Variants in ZNF469 observed in about 807,000 individuals in gnomAD.
ZNF469 encodes the protein zinc finger protein 469.
In ZNF469, 1 loss-of-function variant was observed where a neutral mutation model predicts 1.0. The observed-to-expected ratio is 1.00, with a 90% CI of 0.35 to 4.73. The LOEUF is 4.73. Among genes scored for constraint, ZNF469 ranks in the 30% most tolerant of loss-of-function variants. The probability of loss-of-function intolerance (pLI) is 0.16; values close to 1 mark genes in which losing one functional copy is unlikely to be tolerated. For missense variants in ZNF469, 6,100 were observed against 5,356.3 expected, an observed-to-expected ratio of 1.14 and a Z score of -4.33; for synonymous variants, 2,703 against 2,363.4, an observed-to-expected ratio of 1.14 and a Z score of -4.17.
At chr16:88,255,672 C>G in the ZNF469 span, among the ~76,000 whole-genome samples, 1 of 152,212 alleles carries the variant, frequency 6.6e-6, no homozygotes, top group Non-Finnish European at 1.5e-5. Context: ...TGAAAAGTGC[C>G]TCAACAGTCC....
At chr16:88,382,423 T>A (rs1026139595), upstream of ZNF469, among the ~76,000 whole-genome samples, 1 of 152,310 alleles carries the variant, frequency 6.6e-6, no homozygotes, top group East Asian at 1.9e-4. Flanking sequence ...TCTGGGGCAG[T>A]CCCAGGGCTG....
the ZNF469 span, among the ~76,000 whole-genome samples, chr16:88,340,930 TG>T: frequency 2.0e-5 from 3 of 151,878 alleles, no homozygotes; most frequent in East Asian, 1.9e-4. Context: ...CAGAGAGCCC[TG>T]GGGGTTGGGG....
the ZNF469 span, among the ~76,000 whole-genome samples, chr16:88,248,045 GC>G: frequency 2.0e-5 from 3 of 152,160 alleles, no homozygotes; most frequent in Non-Finnish European, 4.4e-5. Context: ...CCCACACAGG[GC>G]TGCTCCAGTG....
chr16:88,192,892 GTGATGGTGGTGA>G, the ZNF469 span, among the ~76,000 whole-genome samples: 1 of 144,786 alleles, frequency 6.9e-6, no homozygotes, highest in African/African-American at 2.7e-5. Flanking sequence ...GATGGTGGTG[GTGATGGTGGTGA>G]TGATGGAGGT....
the ZNF469 span, among the ~76,000 whole-genome samples, chr16:88,326,155 C>G: frequency 1.2e-4 from 19 of 152,340 alleles, no homozygotes; most frequent in East Asian, 3.7e-3. Flanking sequence ...ATCTTGAATT[C>G]CCACATGTTG....
the ZNF469 span, among the ~76,000 whole-genome samples, chr16:88,285,206 C>A: frequency 1.3e-5 from 2 of 152,378 alleles, no homozygotes; most frequent in African/African-American, 4.8e-5. Context: ...GGAGAACTGC[C>A]CCCAGAGCTG....
the ZNF469 span, among the ~76,000 whole-genome samples, chr16:88,146,264 CG>C: frequency 1.1e-4 from 17 of 152,242 alleles, no homozygotes; most frequent in South Asian, 2.7e-3. Context: ...CTGGCCGTGG[CG>C]GGGGGGCAGG....
At chr16:88,178,328 A>C in the ZNF469 span, 1 of 151,982 alleles carries the variant, frequency 6.6e-6, no homozygotes, top group Admixed American at 6.6e-5. Flanking sequence ...CCGGGAGGAG[A>C]GGAAGGAGGG....
chr16:88,416,728 C>A (rs550986595), intron 1 of ZNF469, among the ~76,000 whole-genome samples: 1 of 152,228 alleles, frequency 6.6e-6, no homozygotes, highest in African/African-American at 2.4e-5. Flanking sequence ...GGGATGGTAA[C>A]AACCTTGCCC....
chr16:88,214,323 G>C, the ZNF469 span, among the ~76,000 whole-genome samples: 1 of 152,152 alleles, frequency 6.6e-6, no homozygotes, highest in Non-Finnish European at 1.5e-5. Flanking sequence ...TGTTCTCCAT[G>C]TGAGGGCTGG....
the ZNF469 span, among the ~76,000 whole-genome samples, chr16:88,344,333 G>A: frequency 1.3e-5 from 2 of 152,178 alleles, no homozygotes; most frequent in East Asian, 3.8e-4. Flanking sequence ...AGTTCTTGCT[G>A]GTGTCCACAG....
the ZNF469 span, among the ~76,000 whole-genome samples, chr16:88,287,772 C>A: frequency 2.6e-5 from 4 of 152,168 alleles, no homozygotes; most frequent in Admixed American, 1.3e-4. Flanking sequence ...TATGCATTCA[C>A]GCTCCAGGCT....
At chr16:88,380,223 TCA>T (rs1244074207), upstream of ZNF469, among the ~76,000 whole-genome samples, 1 of 64,880 alleles carries the variant, frequency 1.5e-5, no homozygotes, top group Non-Finnish European at 3.2e-5. Context: ...ACAAATGCAC[TCA>T]CAGACATGCA....
chr16:88,104,624 C>T, the ZNF469 span, among the ~76,000 whole-genome samples: 72,437 of 152,186 alleles, frequency 0.48, 18,008 homozygotes, highest in Middle Eastern at 0.62. Flanking sequence ...CGTCACATTC[C>T]GGGGGCCTGT....
chr16:88,347,836 G>A, the ZNF469 span, among the ~76,000 whole-genome samples: 1 of 152,222 alleles, frequency 6.6e-6, no homozygotes, highest in Non-Finnish European at 1.5e-5. Flanking sequence ...ATGTGTTTGG[G>A]CCTCCCAGGA....
At chr16:88,352,697 G>C in the ZNF469 span, among the ~76,000 whole-genome samples, 1 of 152,252 alleles carries the variant, frequency 6.6e-6, no homozygotes, top group Admixed American at 6.5e-5. Flanking sequence ...AGCAGCCGTG[G>C]GGACGTGGCG....
the ZNF469 span, among the ~76,000 whole-genome samples, chr16:88,250,248 C>G: frequency 6.6e-6 from 1 of 152,258 alleles, no homozygotes; most frequent in South Asian, 2.1e-4. Flanking sequence ...GCCATTTTCA[C>G]CTCTATCACC....
At chr16:88,413,734 C>T (rs544543464) in intron 1 of ZNF469, among the ~76,000 whole-genome samples, 4 of 152,334 alleles carry the variant, frequency 2.6e-5, no homozygotes, top group East Asian at 1.9e-4. Context: ...AGCTGTGGTC[C>T]GGAGGGTGCA....
In ZNF469 at chr16:88,429,843, C is replaced by T. The variant is rs759606452; in HGVS notation, c.2373C>T (p.Leu791=). The change falls in exon 3 of 3, where the codon CTC becomes CTT. Residue 791 remains leucine, a synonymous_variant. Coordinates refer to ENST00000565624, the MANE Select transcript of ZNF469 (RefSeq NM_001367624.2). The stretch of plus-strand genomic sequence containing the variant: ...CTGCCGACGCACACGCGGGCTTGCT[C>T]AGCCACGCGAAGACCTTCCTGTTAG... ...RVPADAHAGL[L]SHAKTFLLAG... The T allele has an allele frequency of 2.6e-6, 4 of 1,548,990 alleles. No individual in the cohort carries two copies. The South Asian group carries it at 3.6e-5, about 14-fold the overall frequency.
Sources: gnomAD v4.1 joint callset for allele counts (sites outside exome capture counted in the v4.1 genomes callset) on GRCh38, gnomAD v4.1.1 for gene constraint, MANE v1.5 for transcripts, NCBI Gene and HGNC (gene_info 2026-07-23, HGNC 2026-07-21) for gene names.